Variants in ZNF221 observed in about 807,000 individuals in gnomAD.
The protein encoded by ZNF221 is zinc finger protein 221.
Under a neutral mutation model 12.6 loss-of-function variants are expected in ZNF221, and 10 were observed. The observed-to-expected ratio is 0.79, with a 90% CI of 0.49 to 1.34. The LOEUF is 1.34. ZNF221 is among the 40% of genes most tolerant of loss of function. The probability of loss-of-function intolerance (pLI) is 0.00; values close to 1 mark genes in which losing one functional copy is unlikely to be tolerated. For synonymous variants in ZNF221, 232 were observed against 244.0 expected (o/e 0.95, Z 0.46); for missense variants, 661 against 721.4 (o/e 0.92, Z 0.96).
the ZNF221 span, among the ~76,000 whole-genome samples, chr19:43,979,331 C>T: frequency 2.0e-5 from 3 of 151,816 alleles, no homozygotes; most frequent in African/African-American, 7.3e-5. Flanking sequence ...TTTCCTTAAA[C>T]AGTTTTCTGA....
the ZNF221 span, chr19:43,977,115 A>G: frequency 6.6e-6 from 1 of 152,148 alleles, no homozygotes; most frequent in Non-Finnish European, 1.5e-5. Context: ...TTCATAACAA[A>G]CTAAGTGTCT....
chr19:43,960,283 T>A (rs1219040995), intron 1 of ZNF221: 1 of 152,338 alleles, frequency 6.6e-6, no homozygotes, highest in South Asian at 2.1e-4. Context: ...CCTGGCTGCC[T>A]CACTGCTTCA....
At chr19:43,979,422 CATATATATATAT>C in the ZNF221 span, among the ~76,000 whole-genome samples, 1 of 138,536 alleles carries the variant, frequency 7.2e-6, no homozygotes, top group African/African-American at 2.7e-5. Flanking sequence ...AACAGTAATA[CATATATATATAT>C]ATATATATAT....
Position 43,964,309 on chromosome 19 carries a change from T to G in ZNF221, c.82-641T>G, listed in dbSNP as rs534174505. Among the ~76,000 whole-genome samples, 31 of 152,344 alleles carry G rather than the reference T, an allele frequency of 2.0e-4. 2 individuals carry two copies. The South Asian group carries it at 6.2e-3, about 31-fold the overall frequency. The stretch of plus-strand genomic sequence containing the variant: ...AATCATTATACAGACAGGAAACTAA[T>G]GCATGTAGGTGAGCTTGTCCAAAGC... On this transcript the variant is annotated intron_variant, in intron 2 of 4. Transcript: ENST00000587682.
downstream of ZNF221, among the ~76,000 whole-genome samples, chr19:43,969,581 G>A (rs562792405): frequency 2.6e-4 from 40 of 151,894 alleles, no homozygotes; most frequent in African/African-American, 7.5e-4. Context: ...ACTCCTGACC[G>A]CAGGTGATCC....
At position 43,966,762 on chromosome 19, in the gene ZNF221, A is replaced by C; in HGVS notation, c.1260A>C (p.Lys420Asn). The C allele has an allele frequency of 1.9e-6, 3 of 1,614,150 alleles. No individual in the cohort carries two copies. The highest frequency in any genetic ancestry group is 1.7e-6 in the Non-Finnish European group (2 of 1,180,026). Residue 420 changes from lysine to asparagine, a missense_variant, in exon 5 of 5, where the codon AAA becomes AAC. By Grantham distance (94) the Lys-to-Asn change is moderately conservative. Transcript: ENST00000587682. Reference sequence around the variant, plus strand: ...ATCAGCAAGTCCACAGTGGACAAAAATCCTTCAAATGTGAAGAATGTGGGA... The same window carrying C: ...ATCAGCAAGTCCACAGTGGACAAAACTCCTTCAAATGTGAAGAATGTGGGA... ...LNHQQVHSGQ[K>N]SFKCEECGKG...
At chr19:43,961,060 G>A (rs911243993) in intron 1 of ZNF221, among the ~76,000 whole-genome samples, 8 of 152,208 alleles carry the variant, frequency 5.3e-5, no homozygotes, top group Admixed American at 2.0e-4. Flanking sequence ...GGCCTTGGGA[G>A]TCTATCTCTT....
chr19:43,965,339 A>G lies in ZNF221; in HGVS notation c.301+14A>G, dbSNP rs769930686. The G allele has an allele frequency of 2.5e-6, 4 of 1,601,742 alleles. No individual in the cohort carries two copies. The highest frequency in any genetic ancestry group is 3.4e-6 in the Non-Finnish European group (4 of 1,171,906). The stretch of plus-strand genomic sequence containing the variant: ...AAGGGAATTCAGGTAAGAACCAAGT[A>G]ACTGTGCATCCTTGTACATGACTCT... On this transcript the variant is annotated intron_variant, in intron 4 of 4. Transcript: ENST00000587682.
rs762197726 is a variant in ZNF221, at chr19:43,966,085, G to A, written c.583G>A (p.Glu195Lys). The change falls in exon 5 of 5, where the codon GAG becomes AAG. Residue 195 changes from glutamate to lysine, a missense_variant. Transcript: ENST00000587682. ...TCTTCATCAACAATCACACTCAGGA[G>A]AGAAATCTCATACATGTGGTGAGTG... Reference protein sequence around the residue: ...FDLHQQSHSGEKSHTCGECGK... With the variant: ...FDLHQQSHSGKKSHTCGECGK... 1.9e-6 allele frequency: 3 copies of A among 1,614,104 alleles called. No homozygotes were observed. The highest frequency in any genetic ancestry group is 2.7e-5 in the African/African-American group (2 of 74,938).
At chr19:43,968,209 C>A, downstream of ZNF221, 1 of 152,390 alleles carries the variant, frequency 6.6e-6, no homozygotes. Context: ...CATAGTTCAG[C>A]ATACCCACGT....
downstream of ZNF221, among the ~76,000 whole-genome samples, chr19:43,972,547 A>G (rs139994321): frequency 3.6e-3 from 553 of 152,116 alleles, 5 homozygotes; most frequent in African/African-American, 0.013. Context: ...ATCCAACACA[A>G]TCAGAAATGA....
At chr19:43,980,151 T>C in the ZNF221 span, among the ~76,000 whole-genome samples, 2 of 152,204 alleles carry the variant, frequency 1.3e-5, no homozygotes, top group Admixed American at 1.3e-4. Context: ...CCTGAAAGCG[T>C]CAGTCATTAT....
rs1482720694 is a variant in ZNF221, at chr19:43,966,457, T to C, written c.955T>C (p.Phe319Leu). The change falls in exon 5 of 5, where the codon TTC becomes CTC. Residue 319 changes from phenylalanine to leucine, a missense_variant. By Grantham distance (22) the Phe-to-Leu change is conservative (BLOSUM62 0). Coordinates refer to ENST00000587682, the MANE Select transcript of ZNF221 (RefSeq NM_001297588.2). ...CAAATGTGATATATGTGGTAAGAGC[T>C]TCCGTGTTAGATCAAGACTTAATAG... ...PFKCDICGKS[F>L]RVRSRLNRHS... 1.2e-6 allele frequency: 2 copies of C among 1,614,172 alleles called. No individual in the cohort carries two copies.
chr19:43,964,961 A>G lies in ZNF221; in HGVS notation c.93A>G (p.Thr31=). ...GKMTTFKEAV[T]FKDVAVVFTE... ...GTTGGATATTTTAGGAGGCAGTGAC[A>G]TTCAAGGATGTGGCTGTGGTCTTCA... is the stretch of plus-strand genomic sequence containing the variant. Residue 31 remains threonine (T), a synonymous_variant, in exon 3 of 5, where the codon ACA becomes ACG. Transcript: ENST00000587682. 6.2e-7 allele frequency: 1 copy of G among 1,614,186 alleles called. No individual in the cohort carries two copies. The highest frequency in any genetic ancestry group is 8.5e-7 in the Non-Finnish European group (1 of 1,180,014).
chr19:43,974,404 TTAAAC>T, the ZNF221 span, among the ~76,000 whole-genome samples: 2 of 152,078 alleles, frequency 1.3e-5, no homozygotes, highest in African/African-American at 2.4e-5. Context: ...TGGGATCTAA[TTAAAC>T]TAAAGAGCTT....
In ZNF221 at chr19:43,965,846, G is replaced by A; in HGVS notation, c.344G>A (p.Gly115Glu). The change falls in exon 5 of 5, where the codon GGA becomes GAA. Residue 115 changes from glycine (G) to glutamate (E), a missense_variant. By Grantham distance (98) the Gly-to-Glu change is moderately conservative. Coordinates refer to ENST00000587682, the MANE Select transcript of ZNF221 (RefSeq NM_001297588.2). Reference sequence around the variant, plus strand: ...GAGATGGAGACTGTTCCAGAAGCAGGACCACATGAAGAGTGGTCCTGTCAG... The same window carrying A: ...GAGATGGAGACTGTTCCAGAAGCAGAACCACATGAAGAGTGGTCCTGTCAG... ...QIEMETVPEAGPHEEWSCQQI... is the reference protein window; with the variant it reads ...QIEMETVPEAEPHEEWSCQQI... The A allele has an allele frequency of 6.2e-7, 1 of 1,610,852 alleles. No homozygotes were observed. The highest frequency in any genetic ancestry group is 8.5e-7 in the Non-Finnish European group (1 of 1,178,102).
At chr19:43,978,940 T>G in the ZNF221 span, among the ~76,000 whole-genome samples, 27,410 of 130,686 alleles carry the variant, frequency 0.21, 2,424 homozygotes, top group Middle Eastern at 0.24. Flanking sequence ...TGTGTTTTTT[T>G]TTTTTTTTTT....
the ZNF221 span, among the ~76,000 whole-genome samples, chr19:43,973,792 G>T: frequency 2.0e-5 from 3 of 152,066 alleles, no homozygotes; most frequent in African/African-American, 7.2e-5. Context: ...TGGATAGGAA[G>T]AATCAATATT....
chr19:43,980,298 C>T, the ZNF221 span, among the ~76,000 whole-genome samples: 2 of 152,182 alleles, frequency 1.3e-5, no homozygotes, highest in Non-Finnish European at 2.9e-5. Flanking sequence ...ACTGGAATTA[C>T]CTAACAGAAT....
Sources: gnomAD v4.1 joint callset for allele counts (sites outside exome capture counted in the v4.1 genomes callset) on GRCh38, gnomAD v4.1.1 for gene constraint, MANE v1.5 for transcripts, NCBI Gene and HGNC (gene_info 2026-07-23, HGNC 2026-07-21) for gene names.